The following CTNNA2 variants were observed in gnomAD, a reference collection of about 807,000 sequenced individuals.
CTNNA2 encodes catenin alpha 2, also known as catenin alpha-2.
A neutral mutation model predicts 101.0 loss-of-function variants in CTNNA2; 42 were observed. The ratio of observed to expected loss-of-function variants is 0.42; its 90% CI spans 0.32 to 0.54. The LOEUF (loss-of-function observed/expected upper bound fraction) is 0.54, where lower values mean the gene tolerates loss of function less well. Among genes scored for constraint, CTNNA2 ranks in the 20% least tolerant of loss-of-function variants. CTNNA2 has a pLI of 0.14. For missense variants in CTNNA2, 871 were observed against 1,223.1 expected (o/e 0.71, Z 4.29); for synonymous variants, 450 against 456.4 (o/e 0.99, Z 0.18).
At chr2:79,256,388 A>G (rs1674844389) in intron 2 of CTNNA2, among the ~76,000 whole-genome samples, 1 of 152,190 alleles carries the variant, frequency 6.6e-6, no homozygotes, top group Non-Finnish European at 1.5e-5. Flanking sequence ...GGGGCTGTCC[A>G]TCATTTATGT....
At chr2:80,549,367 A>G (rs10180887) in intron 11 of CTNNA2, among the ~76,000 whole-genome samples, 148,399 of 152,278 alleles carry the variant, frequency 0.97, 72,324 homozygotes, top group East Asian at 1. Context: ...TCTTAAGTTT[A>G]TTTTCTTTTA....
chr2:79,629,890 G>A (rs1262874813), intron 1 of CTNNA2, among the ~76,000 whole-genome samples: 3 of 152,052 alleles, frequency 2.0e-5, no homozygotes, highest in Non-Finnish European at 4.4e-5. Flanking sequence ...CAAACAACTT[G>A]CCTGGGAGCA....
intron 9 of CTNNA2, among the ~76,000 whole-genome samples, chr2:80,532,115 CAG>C (rs1172159089): frequency 6.6e-6 from 1 of 152,124 alleles, no homozygotes; most frequent in African/African-American, 2.4e-5. Context: ...ATAGGGTTGA[CAG>C]AGTTTAAGGA....
At chr2:79,803,697 T>G (rs553138017) in intron 3 of CTNNA2, among the ~76,000 whole-genome samples, 2 of 152,362 alleles carry the variant, frequency 1.3e-5, no homozygotes, top group South Asian at 2.1e-4. Context: ...TGGCCAGTTT[T>G]GGGGCCAGTT....
intron 7 of CTNNA2, among the ~76,000 whole-genome samples, chr2:80,178,371 G>A (rs1376151643): frequency 6.6e-6 from 1 of 152,164 alleles, no homozygotes; most frequent in African/African-American, 2.4e-5. Context: ...TTCTAACAAA[G>A]CCCAGTAACA....
At chr2:79,720,450 G>A (rs1686407334) in intron 2 of CTNNA2, among the ~76,000 whole-genome samples, 1 of 151,918 alleles carries the variant, frequency 6.6e-6, no homozygotes, top group Non-Finnish European at 1.5e-5. Flanking sequence ...TACTTTGCTA[G>A]AAATATCATT....
rs528425670 is a variant in CTNNA2, at chr2:79,208,230, G to C, written c.-406+10154G>C. Among the ~76,000 whole-genome samples, 10 of 152,196 alleles carry C rather than the reference G, an allele frequency of 6.6e-5. 1 individual carries two copies. The South Asian group carries it at 2.1e-3, about 32-fold the overall frequency. ...GTAAGATCATTTCCTTAATTATCCT[G>C]TGCATTTAGTATTTGCAAGGGGTAA... On this transcript the variant is annotated intron_variant, in intron 2 of 21. Coordinates refer to the CTNNA2 transcript ENST00000466387.
At position 80,495,958 on chromosome 2, in the gene CTNNA2, A is replaced by G. The variant is rs1318513581; in HGVS notation, c.1291-49024A>G. 3.3e-5 allele frequency among the ~76,000 whole-genome samples: 5 copies of G among 150,574 alleles called. No homozygotes were observed. In the East Asian group the frequency reaches 7.8e-4, roughly 23 times the overall value. ...CTGTCTCAAAAAAAAAAAAAAAAAA[A>G]AAAAAAAAAGGTGGCCATTTGAAGA... On this transcript the variant is annotated intron_variant, in intron 9 of 18. Transcript: ENST00000402739.
In CTNNA2 at chr2:79,651,441, G is replaced by A. The variant is rs1176351981; in HGVS notation, c.-5-111G>A. 7.1e-6 allele frequency: 7 copies of A among 979,254 alleles called. No individual in the cohort carries two copies. In the East Asian group the frequency reaches 1.8e-4, roughly 25 times the overall value. The allele number at this position is 979,254 out of a possible 1,614,324, so 60.7% of individuals were successfully genotyped here. On this transcript the variant is annotated intron_variant, in intron 1 of 18. Coordinates refer to ENST00000402739, the MANE Select transcript of CTNNA2 (RefSeq NM_001282597.3). The stretch of plus-strand genomic sequence containing the variant: ...TAATTTGACCAGGTTGGACCAGAGA[G>A]GCTATCTTCCAGTATGTTCTAAGTT...
At chr2:79,820,960 G>A (rs896983404) in intron 3 of CTNNA2, among the ~76,000 whole-genome samples, 1 of 151,984 alleles carries the variant, frequency 6.6e-6, no homozygotes. Context: ...GGAATGCTTG[G>A]TTCCTTTTTA....
chr2:80,622,691 A>G (rs556277374), intron 18 of CTNNA2, among the ~76,000 whole-genome samples: 1 of 152,000 alleles, frequency 6.6e-6, no homozygotes, highest in African/African-American at 2.4e-5. Context: ...GTAGACTTGC[A>G]GAAGATTTGC....
intron 6 of CTNNA2, among the ~76,000 whole-genome samples, chr2:79,894,060 T>C (rs865803726): frequency 0.03 from 1,634 of 54,796 alleles, 19 homozygotes; most frequent in African/African-American, 0.12. Context: ...CTTCTTCTTC[T>C]TCTTCCTCCT....
intron 8 of CTNNA2, among the ~76,000 whole-genome samples, chr2:80,405,068 T>C: frequency 6.6e-6 from 1 of 152,192 alleles, no homozygotes; most frequent in Non-Finnish European, 1.5e-5. Context: ...GCTTAGGAAC[T>C]GGGCATGTCT....
intron 7 of CTNNA2, among the ~76,000 whole-genome samples, chr2:80,087,937 G>C (rs1475753099): frequency 6.6e-6 from 1 of 151,858 alleles, no homozygotes; most frequent in Admixed American, 6.6e-5. Flanking sequence ...TAGTCCTGAA[G>C]TCTTAACAAG....
At chr2:80,566,374 G>A (rs1173488407) in intron 12 of CTNNA2, among the ~76,000 whole-genome samples, 1 of 152,130 alleles carries the variant, frequency 6.6e-6, no homozygotes, top group Non-Finnish European at 1.5e-5. Context: ...TTACACAAAG[G>A]CATGAATACC....
At chr2:80,032,268 A>G (rs562013113) in intron 7 of CTNNA2, among the ~76,000 whole-genome samples, 1 of 152,268 alleles carries the variant, frequency 6.6e-6, no homozygotes, top group East Asian at 1.9e-4. Flanking sequence ...TGATGTGCCA[A>G]CCTGTTGGCC....
At chr2:80,040,742 C>T (rs533955635) in intron 7 of CTNNA2, among the ~76,000 whole-genome samples, 6 of 152,086 alleles carry the variant, frequency 3.9e-5, no homozygotes, top group African/African-American at 1.4e-4. Flanking sequence ...CCCTAGGCTA[C>T]GAAGATTTTA....
At chr2:79,529,323 T>C (rs903929379) in intron 1 of CTNNA2, among the ~76,000 whole-genome samples, 13 of 152,186 alleles carry the variant, frequency 8.5e-5, no homozygotes, top group Non-Finnish European at 1.8e-4. Flanking sequence ...GTGAACGTTA[T>C]CACATGTCTT....
At chr2:79,650,400 G>A (rs1022294404) in intron 1 of CTNNA2, among the ~76,000 whole-genome samples, 2 of 152,020 alleles carry the variant, frequency 1.3e-5, no homozygotes, top group Admixed American at 1.3e-4. Flanking sequence ...GTTTGAAGAT[G>A]TCTTTCATAT....
Sources: allele counts gnomAD v4.1 joint callset (sites outside exome capture counted in the v4.1 genomes callset), GRCh38; gene constraint gnomAD v4.1.1; transcripts MANE v1.5; gene names NCBI Gene and HGNC (gene_info 2026-07-23, HGNC 2026-07-21).